Variants in MYO3B observed in about 807,000 individuals in gnomAD.
MYO3B encodes the protein myosin IIIB, also known as myosin-IIIb.
A neutral mutation model predicts 174.6 loss-of-function variants in MYO3B; 156 were observed. That is an observed-to-expected ratio of 0.89 (90% CI 0.78 to 1.02). MYO3B has a LOEUF of 1.02. MYO3B is among the 50% of genes least tolerant of loss of function. The pLI, the probability that MYO3B is intolerant of heterozygous loss-of-function variation, is 0.00. For missense variants in MYO3B, 1,632 were observed against 1,639.4 expected, an observed-to-expected ratio of 1.00 and a Z score of 0.08; for synonymous variants, 563 against 569.1, an observed-to-expected ratio of 0.99 and a Z score of 0.15.
At chr2:170,592,989 GTAGA>G (rs1693913065) in intron 32 of MYO3B, among the ~76,000 whole-genome samples, 3 of 151,716 alleles carry the variant, frequency 2.0e-5, no homozygotes, top group Non-Finnish European at 2.9e-5. Context: ...ACCTAAATAG[GTAGA>G]TAGATAGATG....
intron 16 of MYO3B, among the ~76,000 whole-genome samples, chr2:170,394,046 A>G (rs1204069115): frequency 6.6e-6 from 1 of 152,206 alleles, no homozygotes; most frequent in African/African-American, 2.4e-5. Context: ...ACATGTCCTT[A>G]AAAGGGTACA....
Position 170,501,853 on chromosome 2 carries a change from C to A in MYO3B, c.3358C>A (p.His1120Asn). The change falls in exon 28 of 35, where the codon CAT becomes AAT. Residue 1120 changes from histidine (H) to asparagine (N), a missense_variant. Coordinates refer to ENST00000408978, the MANE Select transcript of MYO3B (RefSeq NM_138995.5). ...CAACAGAAGGAATGAGTCTGCTGCT[C>A]ATAATCAAGCAGGTAATTAAAACAT... Reference protein sequence around the residue: ...ISNRRNESAAHNQAGDTSNQS... With the variant: ...ISNRRNESAANNQAGDTSNQS... 1 of 1,607,394 alleles carries A rather than the reference C, an allele frequency of 6.2e-7. No individual in the cohort carries two copies. Among genetic ancestry groups the A allele is most frequent in the South Asian group, 1.1e-5 (1 of 90,776 alleles).
At chr2:170,226,949 A>T in intron 6 of MYO3B, among the ~76,000 whole-genome samples, 1 of 152,210 alleles carries the variant, frequency 6.6e-6, no homozygotes, top group East Asian at 1.9e-4. Context: ...CTGCAGGAAC[A>T]GAAGTGTTTG....
At position 170,501,875 on chromosome 2, in the gene MYO3B, ACAT is replaced by A. The variant is rs1328172211; in HGVS notation, c.3370+14_3370+16del. 8 of 1,578,310 alleles carry A rather than the reference ACAT, an allele frequency of 5.1e-6. No homozygotes were observed. The highest frequency in any genetic ancestry group is 5.1e-5 in the Admixed American group (3 of 59,378). The stretch of plus-strand genomic sequence containing the variant: ...GCTCATAATCAAGCAGGTAATTAAA[ACAT>A]CATTTTCACAGTGTCCACTTGAAAA... On this transcript the variant is annotated intron_variant, in intron 28 of 34. Transcript: ENST00000408978.
intron 23 of MYO3B, among the ~76,000 whole-genome samples, chr2:170,453,571 A>C (rs1273337981): frequency 6.6e-6 from 1 of 152,052 alleles, no homozygotes; most frequent in Non-Finnish European, 1.5e-5. Flanking sequence ...TTTCTCTGCA[A>C]CTTTCAGAAG....
chr2:170,213,215 T>A (rs1473300287), intron 3 of MYO3B, among the ~76,000 whole-genome samples: 1 of 151,896 alleles, frequency 6.6e-6, no homozygotes, highest in African/African-American at 2.4e-5. Flanking sequence ...AGACACCGAG[T>A]TAAAGAAGGA....
intron 22 of MYO3B, among the ~76,000 whole-genome samples, chr2:170,425,069 T>G (rs780349518): frequency 1.3e-5 from 2 of 152,210 alleles, no homozygotes; most frequent in Non-Finnish European, 2.9e-5. Flanking sequence ...CTTTTTATAA[T>G]GAGGCTTTCA....
chr2:170,615,452 G>A (rs1695396946), intron 32 of MYO3B, among the ~76,000 whole-genome samples: 1 of 152,240 alleles, frequency 6.6e-6, no homozygotes, highest in Admixed American at 6.5e-5. Context: ...AATGGCCAGT[G>A]CCAAGGTCCT....
intron 25 of MYO3B, among the ~76,000 whole-genome samples, chr2:170,467,333 A>G (rs1684707202): frequency 6.6e-6 from 1 of 152,196 alleles, no homozygotes; most frequent in Non-Finnish European, 1.5e-5. Context: ...TGGTTTCAGC[A>G]TGCATGCTTT....
At chr2:170,377,672 C>T (rs545014751) in intron 9 of MYO3B, among the ~76,000 whole-genome samples, 14 of 152,284 alleles carry the variant, frequency 9.2e-5, no homozygotes, top group African/African-American at 2.4e-4. Flanking sequence ...AGCTCCAACT[C>T]GCAAACTCTG....
chr2:170,542,975 A>T lies in MYO3B; in HGVS notation c.3636+9A>T, dbSNP rs754241554. 3 of 1,605,274 alleles carry T rather than the reference A, an allele frequency of 1.9e-6. No homozygotes were observed. Among genetic ancestry groups the T allele is most frequent in the Non-Finnish European group, 2.6e-6 (3 of 1,174,368 alleles). ...CAGGACATGCAAACAAGGTAGCTGG[A>T]TATCTTGATTCCAAAGTAAATGTGT... On this transcript the variant is annotated intron_variant, in intron 31 of 34. Coordinates refer to ENST00000408978, the MANE Select transcript of MYO3B (RefSeq NM_138995.5).
intron 32 of MYO3B, chr2:170,646,909 C>G: frequency 7.4e-7 from 1 of 1,359,480 alleles, no homozygotes; most frequent in Non-Finnish European, 9.8e-7. Context: ...CTCGCCTCAG[C>G]CTTTCCACAT....
intron 14 of MYO3B, among the ~76,000 whole-genome samples, chr2:170,389,529 A>G (rs1214445456): frequency 6.6e-6 from 1 of 152,220 alleles, no homozygotes; most frequent in African/African-American, 2.4e-5. Flanking sequence ...ATCTTGACAG[A>G]TAAAGGGATG....
chr2:170,369,063 T>G (rs2094219431), intron 8 of MYO3B, 159 bp from the exon 9 acceptor site: 2 of 505,448 alleles, frequency 4.0e-6, no homozygotes, highest in Non-Finnish European at 3.3e-6. Context: ...ACTATTTTTC[T>G]GTTTTCTGGT....
rs565497313 is a variant in MYO3B, at chr2:170,196,746, C to T, written c.3-2462C>T. Among the ~76,000 whole-genome samples the T allele has an allele frequency of 2.0e-5, 3 of 152,258 alleles. No individual in the cohort carries two copies. The South Asian group carries it at 6.2e-4, about 32-fold the overall frequency. ...TCTAGTGCTGTTAGCCTTCAAGCTG[C>T]CTTCAGTTATTCCTGGGTTAACTTT... is the stretch of plus-strand genomic sequence containing the variant. On this transcript the variant is annotated intron_variant, in intron 1 of 34. Coordinates refer to ENST00000408978, the MANE Select transcript of MYO3B (RefSeq NM_138995.5).
intron 12 of MYO3B, among the ~76,000 whole-genome samples, chr2:170,385,655 T>A (rs1363450226): frequency 1.3e-5 from 2 of 152,138 alleles, no homozygotes; most frequent in Non-Finnish European, 2.9e-5. Context: ...GAAGGAGGCC[T>A]CATTCATAAT....
chr2:170,449,878 T>C (rs115598392), intron 23 of MYO3B, among the ~76,000 whole-genome samples: 1 of 152,356 alleles, frequency 6.6e-6, no homozygotes, highest in African/African-American at 2.4e-5. Flanking sequence ...TCCTAGAAGT[T>C]TGTTTTGTTT....
chr2:170,528,950 C>T (rs995074887), intron 30 of MYO3B, among the ~76,000 whole-genome samples: 2 of 152,158 alleles, frequency 1.3e-5, no homozygotes, highest in East Asian at 1.9e-4. Flanking sequence ...CTCACGTGCT[C>T]TCTGGAAAAC....
chr2:170,252,521 C>G (rs906899992), intron 7 of MYO3B, among the ~76,000 whole-genome samples: 1 of 152,198 alleles, frequency 6.6e-6, no homozygotes, highest in African/African-American at 2.4e-5. Context: ...TATTCAATCA[C>G]TTATTAAATA....
Sources: allele counts gnomAD v4.1 joint callset (sites outside exome capture counted in the v4.1 genomes callset), GRCh38; gene constraint gnomAD v4.1.1; transcripts MANE v1.5; gene names NCBI Gene and HGNC (gene_info 2026-07-23, HGNC 2026-07-21).